Variants in FAM83B observed in about 807,000 individuals in gnomAD.
FAM83B encodes scaffolding CK1 anchoring protein B.
Under a neutral mutation model 38.8 loss-of-function variants are expected in FAM83B, and 26 were observed. That is an observed-to-expected ratio of 0.67 (90% CI 0.49 to 0.93). The LOEUF (loss-of-function observed/expected upper bound fraction) is 0.93, where lower values mean the gene tolerates loss of function less well. FAM83B is among the 40% of genes least tolerant of loss of function. FAM83B has a pLI of 0.00. For missense variants in FAM83B, 1,237 were observed against 1,197.3 expected, an observed-to-expected ratio of 1.03 and a Z score of -0.49; for synonymous variants, 419 against 423.1, an observed-to-expected ratio of 0.99 and a Z score of 0.12.
At chr6:54,876,069 TAA>T (rs1771986111) in intron 2 of FAM83B, among the ~76,000 whole-genome samples, 1 of 152,152 alleles carries the variant, frequency 6.6e-6, no homozygotes, top group African/African-American at 2.4e-5. Context: ...TATTATCAGG[TAA>T]AGTCTAAGGA....
Position 54,941,890 on chromosome 6 carries a change from C to T in FAM83B, c.2919C>T (p.Gly973=). Residue 973 remains glycine (G), a synonymous_variant, in exon 5 of 5, where the codon GGC becomes GGT. Transcript: ENST00000306858. ...CTGCGACTATGGGCAACAGTTATGGCAGGTCTAGTCCATTGCTTAATTACA... is the reference window on the plus strand; with the variant it reads ...CTGCGACTATGGGCAACAGTTATGGTAGGTCTAGTCCATTGCTTAATTACA... The part of the protein sequence containing the change: ...IKSATMGNSY[G]RSSPLLNYNT... The T allele has an allele frequency of 1.2e-6, 2 of 1,614,058 alleles. No homozygotes were observed.
chr6:54,856,808 G>A (rs555641450), intron 1 of FAM83B, among the ~76,000 whole-genome samples: 1 of 152,180 alleles, frequency 6.6e-6, no homozygotes, highest in East Asian at 1.9e-4. Context: ...TGAATCCTAA[G>A]GGAAATGACT....
At chr6:54,898,401 G>A (rs1772585763) in intron 2 of FAM83B, among the ~76,000 whole-genome samples, 1 of 152,296 alleles carries the variant, frequency 6.6e-6, no homozygotes, top group Non-Finnish European at 1.5e-5. Context: ...CGTGGACTCA[G>A]AAATGAAGAT....
intron 1 of FAM83B, among the ~76,000 whole-genome samples, chr6:54,869,090 T>C (rs941455265): frequency 1.3e-5 from 2 of 152,226 alleles, no homozygotes; most frequent in African/African-American, 4.8e-5. Flanking sequence ...GACTGAATGA[T>C]TGAATGGAGA....
intron 1 of FAM83B, among the ~76,000 whole-genome samples, chr6:54,854,072 A>G (rs1561902926): frequency 1.3e-5 from 2 of 152,190 alleles, no homozygotes; most frequent in Non-Finnish European, 2.9e-5. Flanking sequence ...CTATTAATAG[A>G]ATTAGAAGAG....
rs1773733285 is a variant in FAM83B, at chr6:54,942,704, C to G, written c.*697C>G. Among the ~76,000 whole-genome samples the G allele has an allele frequency of 1.3e-5, 2 of 152,074 alleles. No individual in the cohort carries two copies. The highest frequency in any genetic ancestry group is 2.1e-4 in the South Asian group (1 of 4,812). On this transcript the variant is annotated 3_prime_UTR_variant, in exon 5 of 5. Coordinates refer to ENST00000306858, the MANE Select transcript of FAM83B (RefSeq NM_001010872.3). ...ACACTGGACCCAGGGAGCTGTCCCC[C>G]TCTTACCCATAGGCTGCTGATTTTT... is the stretch of plus-strand genomic sequence containing the variant.
chr6:54,897,865 TG>T (rs1282370949), intron 2 of FAM83B, among the ~76,000 whole-genome samples: 1 of 152,168 alleles, frequency 6.6e-6, no homozygotes, highest in East Asian at 1.9e-4. Context: ...TAAGGAAATT[TG>T]GTGTTATAAT....
chr6:54,874,461 A>G (rs115530854), intron 2 of FAM83B, among the ~76,000 whole-genome samples: 92 of 152,212 alleles, frequency 6.0e-4, no homozygotes, highest in Non-Finnish European at 1.1e-3. Flanking sequence ...TTTACTTTGC[A>G]AAGTCTGATA....
chr6:54,922,096 C>A (rs1773185291), intron 2 of FAM83B, among the ~76,000 whole-genome samples: 1 of 151,918 alleles, frequency 6.6e-6, no homozygotes, highest in African/African-American at 2.4e-5. Context: ...TTTTGTCATG[C>A]AAGAAAGACT....
chr6:54,933,623 A>T (rs1211487383), intron 4 of FAM83B, among the ~76,000 whole-genome samples: 1 of 152,036 alleles, frequency 6.6e-6, no homozygotes, highest in Non-Finnish European at 1.5e-5. Flanking sequence ...CAGTCTTTGT[A>T]TACTGTCTTT....
chr6:54,912,406 A>G (rs1235532788), intron 2 of FAM83B, among the ~76,000 whole-genome samples: 1 of 150,732 alleles, frequency 6.6e-6, no homozygotes, highest in Non-Finnish European at 1.5e-5. Flanking sequence ...ATTATGCTTC[A>G]TAATTTCCCC....
At chr6:54,888,022 T>G (rs1470313442) in intron 2 of FAM83B, among the ~76,000 whole-genome samples, 1 of 150,918 alleles carries the variant, frequency 6.6e-6, no homozygotes, top group Non-Finnish European at 1.5e-5. Context: ...TTTTTGTTTT[T>G]TTTTTTTTCT....
At chr6:54,875,018 C>G (rs539834057) in intron 2 of FAM83B, among the ~76,000 whole-genome samples, 5 of 152,000 alleles carry the variant, frequency 3.3e-5, no homozygotes, top group Non-Finnish European at 7.4e-5. Flanking sequence ...TGGGAGTGAG[C>G]TGATATTATA....
upstream of FAM83B, chr6:54,846,679 G>C (rs537265711): frequency 3.9e-5 from 6 of 152,158 alleles, no homozygotes; most frequent in East Asian, 7.7e-4. Flanking sequence ...GGTTCGAGCC[G>C]GAATCAGCCT....
chr6:54,871,127 C>A (rs1303830515), intron 2 of FAM83B, among the ~76,000 whole-genome samples: 2 of 152,104 alleles, frequency 1.3e-5, no homozygotes, highest in Non-Finnish European at 2.9e-5. Context: ...ATTAAATAAA[C>A]CATATGTTTA....
intron 1 of FAM83B, among the ~76,000 whole-genome samples, chr6:54,856,432 C>T (rs1489608557): frequency 2.0e-5 from 3 of 152,166 alleles, no homozygotes; most frequent in Non-Finnish European, 2.9e-5. Context: ...GAATTGCAGT[C>T]TTGCAAGTTA....
At chr6:54,909,837 C>T (rs751058043) in intron 2 of FAM83B, among the ~76,000 whole-genome samples, 19 of 152,018 alleles carry the variant, frequency 1.2e-4, no homozygotes, top group Non-Finnish European at 2.4e-4. Flanking sequence ...ACTGCAGAAG[C>T]CTGTGCCTTT....
intron 2 of FAM83B, among the ~76,000 whole-genome samples, chr6:54,884,867 G>C (rs1772232318): frequency 1.3e-5 from 2 of 151,692 alleles, no homozygotes; most frequent in Admixed American, 6.6e-5. Context: ...CCGCCTCCCG[G>C]GTTCACGCCA....
intron 4 of FAM83B, among the ~76,000 whole-genome samples, chr6:54,936,187 A>T (rs1773520012): frequency 6.6e-6 from 1 of 152,138 alleles, no homozygotes; most frequent in Non-Finnish European, 1.5e-5. Flanking sequence ...ATATTCAATG[A>T]ATGTCTTCCT....
Sources: gnomAD v4.1 joint callset for allele counts (sites outside exome capture counted in the v4.1 genomes callset) on GRCh38, gnomAD v4.1.1 for gene constraint, MANE v1.5 for transcripts, NCBI Gene and HGNC (gene_info 2026-07-23, HGNC 2026-07-21) for gene names.